FGF14: variants seen among roughly 807,000 people sequenced by gnomAD.
The protein encoded by FGF14 is fibroblast growth factor homologous factor 4.
In FGF14, 5 loss-of-function variants were observed where a neutral mutation model predicts 25.5. The ratio of observed to expected loss-of-function variants is 0.20; its 90% CI spans 0.10 to 0.41. FGF14 has a LOEUF of 0.41. Ranked by LOEUF, FGF14 falls within the 10% of genes least tolerant of loss-of-function variation. The pLI is 1.00. For missense variants in FGF14, 222 were observed against 320.1 expected, an observed-to-expected ratio of 0.69 and a Z score of 2.34; for synonymous variants, 138 against 118.3, an observed-to-expected ratio of 1.17 and a Z score of -1.08.
chr13:101,739,741 GT>G (rs1169499755), intron 3 of FGF14, among the ~76,000 whole-genome samples: 1 of 152,168 alleles, frequency 6.6e-6, no homozygotes, highest in Non-Finnish European at 1.5e-5. Flanking sequence ...CACATTAAGG[GT>G]GAGGGAAGAG....
chr13:101,855,032 T>C (rs1039819405), intron 3 of FGF14, among the ~76,000 whole-genome samples: 4 of 151,996 alleles, frequency 2.6e-5, no homozygotes, highest in Admixed American at 2.0e-4. Context: ...TTCATGATTA[T>C]ATAATAATTG....
chr13:101,861,545 ACTAGTGTCTGCAAGG>A lies in FGF14; in HGVS notation c.408+7165_408+7179del, dbSNP rs762840767. Among the ~76,000 whole-genome samples, 207 of 141,990 alleles carry A rather than the reference ACTAGTGTCTGCAAGG, an allele frequency of 1.5e-3. 1 individual carries two copies. Among genetic ancestry groups the A allele is most frequent in the South Asian group, 3.2e-3 (14 of 4,422 alleles). 93.2% of individuals were successfully genotyped at this position (141,990 alleles called of 152,430 possible). On this transcript the variant is annotated intron_variant, in intron 3 of 4. Transcript: ENST00000376143. The stretch of plus-strand genomic sequence containing the variant: ...CCCCTTTAATTCAGAAGTTGCAGAC[ACTAGTGTCTGCAAGG>A]CACATAAACAAAGTCAACATATGTA...
At chr13:102,383,608 G>A (rs568527884) in intron 1 of FGF14, among the ~76,000 whole-genome samples, 16 of 152,146 alleles carry the variant, frequency 1.1e-4, no homozygotes, top group Non-Finnish European at 1.6e-4. Flanking sequence ...CTCCTGTCAT[G>A]ACTGGCAGTG....
chr13:102,130,373 C>T (rs1304380114), intron 1 of FGF14, among the ~76,000 whole-genome samples: 3 of 152,070 alleles, frequency 2.0e-5, no homozygotes, highest in African/African-American at 7.2e-5. Context: ...GCTGGTGGCC[C>T]CTCCTCCATC....
rs1171779901 is a variant in FGF14 at position 101,718,380 on chromosome 13, A to G, written c.*4451T>C. 6.6e-6 allele frequency: 1 copy of G among 152,146 alleles called. No homozygotes were observed. The highest frequency in any genetic ancestry group is 2.4e-5 in the African/African-American group (1 of 41,444). 9.4% of individuals were successfully genotyped at this position (152,146 alleles called of 1,614,324 possible). A position where few individuals can be genotyped will look rare whatever the true frequency, so the allele number is the denominator to read the frequency against. The stretch of plus-strand genomic sequence containing the variant: ...CTTCTTAAATGTGATTTTCAACTCT[A>G]TGATAGAAACTCCCTCTAAAAAACA... On this transcript the variant is annotated 3_prime_UTR_variant, in exon 5 of 5. Transcript: ENST00000376143.
At position 102,336,578 on chromosome 13, in the gene FGF14, T is replaced by C. The variant is rs569989708; in HGVS notation, c.208+64893A>G. Among the ~76,000 whole-genome samples the C allele has an allele frequency of 1.4e-3, 215 of 152,314 alleles. 2 individuals carry two copies. The highest frequency in any genetic ancestry group is 1.8e-3 in the Non-Finnish European group (120 of 68,020). On this transcript the variant is annotated intron_variant, in intron 1 of 4. Coordinates refer to the FGF14 transcript ENST00000376131. The stretch of plus-strand genomic sequence containing the variant: ...TATCCAGGAGATCTAGCTAAGATCA[T>C]TGATGAACGTGTCTACACTAAACAA...
intron 3 of FGF14, among the ~76,000 whole-genome samples, chr13:101,772,997 T>C (rs889291040): frequency 6.6e-6 from 1 of 152,166 alleles, no homozygotes; most frequent in Non-Finnish European, 1.5e-5. Context: ...AGGGACTTCA[T>C]GAAGCCATTG....
In FGF14 at chr13:101,830,961, C is replaced by T. The variant is rs1237200742; in HGVS notation, c.408+37764G>A. ...CACTCCGATCCTCTTCTGCTTCTCT[C>T]TTCTACTTTTAAGTAATCTTGTGAT... On this transcript the variant is annotated intron_variant, in intron 3 of 4. Transcript: ENST00000376143. Among the ~76,000 whole-genome samples, 5 of 152,206 alleles carry T rather than the reference C, an allele frequency of 3.3e-5. No homozygotes were observed. In the East Asian group the frequency reaches 9.7e-4, roughly 30 times the overall value.
chr13:101,737,645 T>C (rs2036275867), intron 3 of FGF14, among the ~76,000 whole-genome samples: 1 of 152,202 alleles, frequency 6.6e-6, no homozygotes, highest in Non-Finnish European at 1.5e-5. Flanking sequence ...TTTACTCTGC[T>C]GGAGTCTATG....
At chr13:102,069,763 T>C (rs918399464) in intron 1 of FGF14, among the ~76,000 whole-genome samples, 1 of 151,770 alleles carries the variant, frequency 6.6e-6, no homozygotes, top group African/African-American at 2.4e-5. Context: ...TTAAGAGCTG[T>C]AACACTCACT....
chr13:102,305,569 G>A (rs983575301), intron 1 of FGF14, among the ~76,000 whole-genome samples: 6 of 152,156 alleles, frequency 3.9e-5, no homozygotes, highest in Non-Finnish European at 7.4e-5. Context: ...GAATAGCATT[G>A]TAATTACATC....
intron 1 of FGF14, among the ~76,000 whole-genome samples, chr13:102,095,627 C>G (rs2044358102): frequency 2.0e-5 from 3 of 152,238 alleles, no homozygotes; most frequent in South Asian, 4.1e-4. Flanking sequence ...AGACCAGCCC[C>G]TCCTCATTCT....
chr13:102,085,198 C>G (rs1278973664), intron 1 of FGF14, among the ~76,000 whole-genome samples: 3 of 141,566 alleles, frequency 2.1e-5, no homozygotes, highest in Non-Finnish European at 3.0e-5. Context: ...CTAAGTTTTT[C>G]TCTTTCTCTT....
intron 1 of FGF14, among the ~76,000 whole-genome samples, chr13:101,961,780 C>A (rs2036874382): frequency 6.6e-6 from 1 of 152,164 alleles, no homozygotes; most frequent in African/African-American, 2.4e-5. Context: ...GTGTTTGCTT[C>A]CCCTTCTGGA....
At chr13:102,338,823 A>G (rs1257599695) in intron 1 of FGF14, among the ~76,000 whole-genome samples, 1 of 151,926 alleles carries the variant, frequency 6.6e-6, no homozygotes, top group Non-Finnish European at 1.5e-5. Context: ...AGACCAGCCT[A>G]GCCAACATGG....
At chr13:102,022,537 A>G (rs577820521) in intron 1 of FGF14, among the ~76,000 whole-genome samples, 1 of 152,194 alleles carries the variant, frequency 6.6e-6, no homozygotes, top group Non-Finnish European at 1.5e-5. Flanking sequence ...CTGAATTGGT[A>G]TGAAGATGGC....
chr13:101,885,503 T>TA (rs1252441839), intron 1 of FGF14, among the ~76,000 whole-genome samples: 4 of 152,122 alleles, frequency 2.6e-5, no homozygotes, highest in Admixed American at 6.5e-5. Flanking sequence ...TTTTAATTTC[T>TA]AAAAAAAGAA....
At chr13:101,905,483 A>G (rs143385351) in intron 1 of FGF14, among the ~76,000 whole-genome samples, 1 of 152,130 alleles carries the variant, frequency 6.6e-6, no homozygotes, top group Non-Finnish European at 1.5e-5. Context: ...GTTCTCACTC[A>G]TAAGTGGGAG....
chr13:101,863,046 G>A (rs1391790422), intron 3 of FGF14, among the ~76,000 whole-genome samples: 1 of 152,066 alleles, frequency 6.6e-6, no homozygotes, highest in East Asian at 1.9e-4. Context: ...AATTATATAT[G>A]TGTGTCTATG....
Sources: allele counts gnomAD v4.1 joint callset (sites outside exome capture counted in the v4.1 genomes callset), GRCh38; gene constraint gnomAD v4.1.1; transcripts MANE v1.5; gene names NCBI Gene and HGNC (gene_info 2026-07-23, HGNC 2026-07-21).